The following PCM1 variants were observed in gnomAD, a reference collection of about 807,000 sequenced individuals.
PCM1 encodes the protein pericentriolar material 1.
In PCM1, 157 loss-of-function variants were observed where a neutral mutation model predicts 241.9. The observed-to-expected ratio is 0.65, with a 90% confidence interval of 0.57 to 0.74. The LOEUF (loss-of-function observed/expected upper bound fraction) is 0.74, where lower values mean the gene tolerates loss of function less well. Among genes scored for constraint, PCM1 ranks in the 30% least tolerant of loss-of-function variants. The probability of loss-of-function intolerance (pLI) is 0.00; values close to 1 mark genes in which losing one functional copy is unlikely to be tolerated. For synonymous variants in PCM1, 1,085 were observed against 784.9 expected (o/e 1.38, Z -6.39); for missense variants, 3,478 against 2,360.1 (o/e 1.47, Z -9.81).
At position 17,985,440 on chromosome 8, in the gene PCM1, A is replaced by T. The variant is rs752470606; in HGVS notation, c.4109-7A>T. On this transcript the variant is annotated splice_polypyrimidine_tract_variant and splice_region_variant and intron_variant, in intron 24 of 38. Transcript: ENST00000325083. The stretch of plus-strand genomic sequence containing the variant: ...ATATTAACTTTCTGGTCTTTTATGT[A>T]TTCCAGAAACTGGGAGTGATTTTTC... 1.3e-6 allele frequency: 2 copies of T among 1,544,944 alleles called. No homozygotes were observed. Among genetic ancestry groups the T allele is most frequent in the Admixed American group, 4.0e-5 (2 of 49,708 alleles).
At chr8:17,936,457 G>A (rs868155230) in intron 3 of PCM1, among the ~76,000 whole-genome samples, 6 of 152,142 alleles carry the variant, frequency 3.9e-5, no homozygotes, top group Non-Finnish European at 2.9e-5. Flanking sequence ...GGTTATGTGA[G>A]TTTAACTAAG....
In PCM1 at chr8:18,025,379, A is replaced by G. The variant is rs531080006; in HGVS notation, c.5860A>G (p.Ile1954Val). The G allele has an allele frequency of 4.4e-6, 7 of 1,594,854 alleles. No homozygotes were observed. Among genetic ancestry groups the G allele is most frequent in the African/African-American group, 1.3e-5 (1 of 74,402 alleles). Residue 1954 changes from isoleucine to valine, a missense_variant, in exon 37 of 39, where the codon ATA becomes GTA. Ile to Val is a conservative substitution (Grantham distance 29, BLOSUM62 3). Transcript: ENST00000325083. ...ATTACAGGAAGCAGAATCTGGTAAT[A>G]TAAGTCAAAAGTCTGATGAAGAAGA... is the stretch of plus-strand genomic sequence containing the variant. Reference protein sequence around the residue: ...VNDYEAESGNISQKSDEEDFV... With the variant: ...VNDYEAESGNVSQKSDEEDFV...
At chr8:17,979,832 A>G (rs1001575319) in intron 23 of PCM1, among the ~76,000 whole-genome samples, 2 of 152,214 alleles carry the variant, frequency 1.3e-5, no homozygotes, top group Admixed American at 1.3e-4. Flanking sequence ...CAGATGCCCA[A>G]GAATAGTCAA....
At chr8:18,012,314 T>C (rs1450136788) in intron 34 of PCM1, among the ~76,000 whole-genome samples, 1 of 152,210 alleles carries the variant, frequency 6.6e-6, no homozygotes, top group East Asian at 1.9e-4. Flanking sequence ...AATAGCCATC[T>C]AGGGTAGCAG....
intron 36 of PCM1, among the ~76,000 whole-genome samples, chr8:18,017,565 A>T (rs192118223): frequency 3.3e-5 from 5 of 152,330 alleles, no homozygotes; most frequent in Admixed American, 2.6e-4. Flanking sequence ...TGAAGTTCCC[A>T]AGGCTGGGCC....
Position 17,962,166 on chromosome 8 carries a change from G to A in PCM1, c.2455G>A (p.Asp819Asn). 6.2e-7 allele frequency: 1 copy of A among 1,603,236 alleles called. No homozygotes were observed. Reference sequence around the variant, plus strand: ...TGAGCCTGAAGATTCTTCAATAGTAGATAATGAGGTATTGTAAATTGTACT... The same window carrying A: ...TGAGCCTGAAGATTCTTCAATAGTAAATAATGAGGTATTGTAAATTGTACT... Reference protein sequence around the residue: ...VFEPEDSSIVDNELWSEMRRH... With the variant: ...VFEPEDSSIVNNELWSEMRRH... Residue 819 changes from aspartate to asparagine, a missense_variant, in exon 16 of 39, where the codon GAT becomes AAT. Physicochemically the swap from Asp to Asn is conservative, Grantham distance 23 (BLOSUM62 1). Coordinates refer to ENST00000325083, the MANE Select transcript of PCM1 (RefSeq NM_006197.4).
intron 3 of PCM1, among the ~76,000 whole-genome samples, chr8:17,936,283 G>C (rs574321890): frequency 5.3e-5 from 8 of 152,228 alleles, no homozygotes; most frequent in African/African-American, 1.9e-4. Flanking sequence ...AGTGTAACAG[G>C]TTGGCAGGAA....
In PCM1 at chr8:17,972,367, G is replaced by A. The variant is rs2129472165; in HGVS notation, c.3623G>A (p.Arg1208Lys). ...KLPEEEVESS[R>K]TPWLYEQEGE... Reference sequence around the variant, plus strand: ...CCTGAAGAGGAGGTGGAAAGCAGTAGGACACCATGGTTATATGAACAAGAA... The same window carrying A: ...CCTGAAGAGGAGGTGGAAAGCAGTAAGACACCATGGTTATATGAACAAGAA... The change falls in exon 23 of 39, where the codon AGG becomes AAG. Residue 1208 changes from arginine (R) to lysine (K), a missense_variant. Coordinates refer to ENST00000325083, the MANE Select transcript of PCM1 (RefSeq NM_006197.4). The A allele has an allele frequency of 6.4e-7, 1 of 1,564,806 alleles. No homozygotes were observed. The highest frequency in any genetic ancestry group is 1.7e-4 in the Middle Eastern group (1 of 5,800).
Position 18,029,777 on chromosome 8 carries a change from CAGAT to C in PCM1, c.*2123_*2126del, listed in dbSNP as rs774089797. On this transcript the variant is annotated 3_prime_UTR_variant, in exon 39 of 39. Coordinates refer to ENST00000325083, the MANE Select transcript of PCM1 (RefSeq NM_006197.4). ...ATTTTGAAGTTAAAAATTTTGGTTA[CAGAT>C]AGATAGAGGGAGAAAAGTTCAAAAT... 126 of 195,750 alleles carry C rather than the reference CAGAT, an allele frequency of 6.4e-4. No individual in the cohort carries two copies. The South Asian group carries it at 9.6e-3, about 15-fold the overall frequency. 12.1% of individuals were successfully genotyped at this position (195,750 alleles called of 1,614,324 possible). A position where few individuals can be genotyped will look rare whatever the true frequency, so the allele number is the denominator to read the frequency against.
intron 28 of PCM1, among the ~76,000 whole-genome samples, chr8:17,992,109 T>C (rs1178191020): frequency 6.6e-6 from 1 of 152,218 alleles, no homozygotes; most frequent in African/African-American, 2.4e-5. Flanking sequence ...TCTACACATA[T>C]ATACATATAC....
chr8:17,981,216 G>A (rs1254367912), intron 24 of PCM1, among the ~76,000 whole-genome samples: 2 of 152,160 alleles, frequency 1.3e-5, no homozygotes, highest in African/African-American at 4.8e-5. Context: ...CTGTGGCACT[G>A]AACTGGAGTT....
chr8:18,006,923 G>A (rs1167215137), intron 30 of PCM1, among the ~76,000 whole-genome samples: 1 of 152,122 alleles, frequency 6.6e-6, no homozygotes, highest in Non-Finnish European at 1.5e-5. Flanking sequence ...AAGGTAGGAG[G>A]GCTGAGAGGA....
intron 17 of PCM1, 70 bp downstream of exon 17, chr8:17,963,361 C>T (rs1466752928): frequency 1.8e-6 from 2 of 1,089,428 alleles, no homozygotes; most frequent in African/African-American, 3.2e-5. Flanking sequence ...GGCTAGGCAG[C>T]CACATTTCTC....
At chr8:17,928,340 T>G (rs1017643019) in intron 2 of PCM1, among the ~76,000 whole-genome samples, 2 of 152,158 alleles carry the variant, frequency 1.3e-5, no homozygotes, top group Admixed American at 1.3e-4. Flanking sequence ...TTTTCTACGC[T>G]CTCTCAGACA....
chr8:18,019,522 G>C (rs944980772), intron 36 of PCM1, among the ~76,000 whole-genome samples: 2 of 152,156 alleles, frequency 1.3e-5, no homozygotes, highest in South Asian at 4.1e-4. Context: ...ACCTGAGCTT[G>C]TCTTCCTGAA....
Position 17,936,076 on chromosome 8 carries a change from G to C in PCM1, c.96+370G>C, listed in dbSNP as rs188983559. The stretch of plus-strand genomic sequence containing the variant: ...AACACACCTTTCTCTTTACAGACCA[G>C]TTTTCTCTCCTCTGGTCCATGTGAT... On this transcript the variant is annotated intron_variant, in intron 3 of 38. Transcript: ENST00000325083. Among the ~76,000 whole-genome samples, 3 of 152,246 alleles carry C rather than the reference G, an allele frequency of 2.0e-5. No individual in the cohort carries two copies. In the East Asian group the frequency reaches 5.8e-4, roughly 29 times the overall value.
At chr8:17,985,670 G>C in intron 25 of PCM1, 51 bp downstream of exon 25, 2 of 1,352,496 alleles carry the variant, frequency 1.5e-6, no homozygotes, top group South Asian at 1.3e-5. Context: ...CCTTCTTCAT[G>C]ATTATCTCTG....
intron 29 of PCM1, among the ~76,000 whole-genome samples, chr8:17,995,047 T>C (rs2086175913): frequency 6.6e-6 from 1 of 151,508 alleles, no homozygotes; most frequent in Admixed American, 6.6e-5. Context: ...CCCATTTGTC[T>C]GCTTTTGCTT....
chr8:17,946,753 C>T (rs1380821806), intron 6 of PCM1, among the ~76,000 whole-genome samples: 1 of 151,994 alleles, frequency 6.6e-6, no homozygotes, highest in African/African-American at 2.4e-5. Context: ...CTCGGCCTCC[C>T]GAAGTGCTAG....
Sources: allele counts gnomAD v4.1 joint callset (sites outside exome capture counted in the v4.1 genomes callset), GRCh38; gene constraint gnomAD v4.1.1; transcripts MANE v1.5; gene names NCBI Gene and HGNC (gene_info 2026-07-23, HGNC 2026-07-21).